HIVEP3: variants seen among roughly 807,000 people sequenced by gnomAD.
HIVEP3 encodes the protein HIVEP zinc finger 3, also known as transcription factor HIVEP3.
In HIVEP3, 49 loss-of-function variants were observed where a neutral mutation model predicts 152.8. That is an observed-to-expected ratio of 0.32 (90% CI 0.26 to 0.41). HIVEP3 has a LOEUF of 0.41. HIVEP3 is among the 10% of genes least tolerant of loss of function. The pLI is 1.00. For synonymous variants in HIVEP3, 1,269 were observed against 1,289.0 expected (o/e 0.98, Z 0.33); for missense variants, 2,790 against 3,103.3 (o/e 0.90, Z 2.40).
chr1:41,917,159 T>G, intron 1 of HIVEP3, among the ~76,000 whole-genome samples: 1 of 152,146 alleles, frequency 6.6e-6, no homozygotes, highest in East Asian at 1.9e-4. Context: ...ACCCAACTTC[T>G]TCAGTCTGGG....
rs906361987 is a variant in HIVEP3 at position 41,662,332 on chromosome 1, G to T, written c.-720-33385C>A. On this transcript the variant is annotated intron_variant, in intron 2 of 8. Coordinates refer to ENST00000372583, the MANE Select transcript of HIVEP3 (RefSeq NM_024503.5). This position sits in a 1 kb window ranked among gnomAD's most constrained non-coding sequence, Gnocchi z 7.2. ...CGGGGTGGGCGCGGGGCGGGCTGGC[G>T]GGCGGGCGCCGGCGGCGGGCGCGGC... 4.1e-5 allele frequency: 6 copies of T among 145,818 alleles called. No homozygotes were observed. The highest frequency in any genetic ancestry group is 9.1e-5 in the Non-Finnish European group (6 of 65,636). The allele number at this position is 145,818 out of a possible 1,614,324, so 9.0% of individuals were successfully genotyped here.
At chr1:41,560,515 A>G (rs1644043616) in intron 5 of HIVEP3, among the ~76,000 whole-genome samples, 1 of 152,090 alleles carries the variant, frequency 6.6e-6, no homozygotes, top group Non-Finnish European at 1.5e-5. Flanking sequence ...AGGGAAAGAC[A>G]CTCAGCCACA....
intron 1 of HIVEP3, among the ~76,000 whole-genome samples, chr1:41,718,778 A>ACC (rs1376752870): frequency 8.1e-6 from 1 of 123,372 alleles, no homozygotes; most frequent in African/African-American, 4.9e-5. Flanking sequence ...TCACACCCAC[A>ACC]CACACACACA....
chr1:41,890,401 C>T, intron 1 of HIVEP3, among the ~76,000 whole-genome samples: 1 of 152,178 alleles, frequency 6.6e-6, no homozygotes, highest in East Asian at 1.9e-4. Flanking sequence ...GGGCCTGATT[C>T]CTGGGCCAAG....
chr1:41,606,972 G>A (rs977697800), intron 3 of HIVEP3, among the ~76,000 whole-genome samples: 4 of 151,780 alleles, frequency 2.6e-5, no homozygotes, highest in Non-Finnish European at 5.9e-5. Flanking sequence ...TAAAATCTGT[G>A]TGTGTTTCTT....
chr1:42,034,698 T>C (rs1484081321), intron 1 of HIVEP3, among the ~76,000 whole-genome samples: 1 of 152,144 alleles, frequency 6.6e-6, no homozygotes, highest in African/African-American at 2.4e-5. Context: ...GAGCCAAGAT[T>C]TTCTGCGCAC....
chr1:41,734,615 G>C (rs919872671), intron 1 of HIVEP3, among the ~76,000 whole-genome samples: 1 of 152,212 alleles, frequency 6.6e-6, no homozygotes, highest in East Asian at 1.9e-4. Flanking sequence ...CTGGGAAGGA[G>C]GGGACAGAAG....
At chr1:42,005,009 A>T (rs56173253) in intron 1 of HIVEP3, among the ~76,000 whole-genome samples, 2,632 of 152,254 alleles carry the variant, frequency 0.017, 64 homozygotes, top group African/African-American at 0.056. Flanking sequence ...GGGACAGGAA[A>T]TCCCCACGCT....
chr1:42,010,316 T>C (rs1177420725), intron 1 of HIVEP3, among the ~76,000 whole-genome samples: 1 of 152,258 alleles, frequency 6.6e-6, no homozygotes, highest in Non-Finnish European at 1.5e-5. Context: ...GGTCTTTGTC[T>C]CTTATGTTGT....
intron 1 of HIVEP3, among the ~76,000 whole-genome samples, chr1:41,705,725 C>T (rs936086504): frequency 2.6e-5 from 4 of 152,176 alleles, no homozygotes; most frequent in Admixed American, 2.0e-4. Flanking sequence ...TCAGAGCGTG[C>T]ATCAAGAACT....
At chr1:41,540,786 GA>G (rs1372508975) in intron 5 of HIVEP3, among the ~76,000 whole-genome samples, 1 of 152,144 alleles carries the variant, frequency 6.6e-6, no homozygotes, top group Non-Finnish European at 1.5e-5. Flanking sequence ...TACAAACTTG[GA>G]AAAAAGCAAG....
chr1:41,987,988 A>G (rs1645334324), intron 1 of HIVEP3, among the ~76,000 whole-genome samples: 2 of 151,996 alleles, frequency 1.3e-5, no homozygotes, highest in African/African-American at 4.8e-5. Flanking sequence ...CACCTCCCTC[A>G]CTCAACACAT....
At chr1:41,964,973 C>A (rs991835016) in intron 1 of HIVEP3, among the ~76,000 whole-genome samples, 2 of 152,362 alleles carry the variant, frequency 1.3e-5, no homozygotes, top group East Asian at 3.9e-4. Context: ...ACCCACCCCC[C>A]TCAACAGGGG....
chr1:41,553,898 A>G lies in HIVEP3; in HGVS notation c.5207+21646T>C, dbSNP rs28825448. Among the ~76,000 whole-genome samples the G allele has an allele frequency of 1.8e-3, 281 of 152,278 alleles. 2 individuals are homozygous for G. Among genetic ancestry groups the G allele is most frequent in the African/African-American group, 6.5e-3 (271 of 41,550 alleles). The stretch of plus-strand genomic sequence containing the variant: ...TCTGATAGGCTTCCCTTTGCGGGTA[A>G]CCTGACCTTTCTCTCTGGCTGCCCT... On this transcript the variant is annotated intron_variant, in intron 5 of 8. Transcript: ENST00000372583.
At chr1:41,700,040 T>C (rs1646337894) in intron 2 of HIVEP3, among the ~76,000 whole-genome samples, 1 of 152,140 alleles carries the variant, frequency 6.6e-6, no homozygotes, top group Admixed American at 6.5e-5. Context: ...CCGGTGAACT[T>C]CTATTCATCC....
At chr1:41,547,698 A>T (rs186666469) in intron 5 of HIVEP3, among the ~76,000 whole-genome samples, 431 of 152,346 alleles carry the variant, frequency 2.8e-3, no homozygotes, top group Admixed American at 5.9e-3. Context: ...GGATTTATTT[A>T]AAAAAGCCCA....
chr1:41,678,213 G>GCTGCACTC (rs1645985711), intron 2 of HIVEP3, among the ~76,000 whole-genome samples: 2 of 152,212 alleles, frequency 1.3e-5, no homozygotes, highest in African/African-American at 4.8e-5. Context: ...ATCTGCATCT[G>GCTGCACTC]CTGCACTCCT....
At chr1:41,546,279 G>A (rs886439416) in intron 5 of HIVEP3, among the ~76,000 whole-genome samples, 4 of 152,158 alleles carry the variant, frequency 2.6e-5, no homozygotes, top group Non-Finnish European at 5.9e-5. Context: ...TGGAGAAGGC[G>A]GGGGGCTCAA....
chr1:41,879,354 G>T (rs1472496650), intron 1 of HIVEP3, among the ~76,000 whole-genome samples: 1 of 152,220 alleles, frequency 6.6e-6, no homozygotes, highest in Admixed American at 6.5e-5. Context: ...TCTCAAGTGA[G>T]ATGCTCAATC....
Sources: gnomAD v4.1 joint callset for allele counts (sites outside exome capture counted in the v4.1 genomes callset) on GRCh38, gnomAD v4.1.1 for gene constraint, Gnocchi (gnomAD v3.1) non-coding constraint, MANE v1.5 for transcripts, NCBI Gene and HGNC (gene_info 2026-07-23, HGNC 2026-07-21) for gene names.